PRKN: variants seen among roughly 807,000 people sequenced by gnomAD.
PRKN encodes the protein E3 ubiquitin-protein ligase parkin.
PRKN carries 56 observed loss-of-function variants against 59.5 expected under a neutral mutation model. The ratio of observed to expected loss-of-function variants is 0.94; its 90% CI spans 0.76 to 1.18. The LOEUF is 1.18. Among genes scored for constraint, PRKN ranks in the 50% most tolerant of loss-of-function variants. PRKN has a pLI of 0.00. For synonymous variants in PRKN, 250 were observed against 222.1 expected (o/e 1.13, Z -1.12); for missense variants, 657 against 596.4 (o/e 1.10, Z -1.06).
intron 4 of PRKN, among the ~76,000 whole-genome samples, chr6:162,144,538 G>A (rs371621565): frequency 2.0e-5 from 3 of 152,088 alleles, no homozygotes; most frequent in South Asian, 2.1e-4. Flanking sequence ...AGCCTTCCTG[G>A]GAGCTGGCTT....
rs1383625655 is a variant in PRKN, at chr6:161,371,293, T to A, written c.1168-11088A>T. Among the ~76,000 whole-genome samples the A allele has an allele frequency of 6.6e-6, 1 of 151,678 alleles. No individual in the cohort carries two copies. The highest frequency in any genetic ancestry group is 2.4e-5 in the African/African-American group (1 of 41,260). ...GATTCTGCTGCCTCGGCCTCTCAAG[T>A]AGCTGGGGTTACAGGTGCCTGCTAC... On this transcript the variant is annotated intron_variant, in intron 10 of 11. Coordinates refer to ENST00000366898, the MANE Select transcript of PRKN (RefSeq NM_004562.3). This position sits in a 1 kb window ranked among gnomAD's most constrained non-coding sequence, Gnocchi z 5.5.
Position 162,502,388 on chromosome 6 carries a change from T to A in PRKN, c.8-58915A>T, listed in dbSNP as rs551540534. Among the ~76,000 whole-genome samples, 109 of 152,118 alleles carry A rather than the reference T, an allele frequency of 7.2e-4. 1 individual carries two copies. The highest frequency in any genetic ancestry group is 2.1e-4 in the Non-Finnish European group (14 of 68,018). On this transcript the variant is annotated intron_variant, in intron 1 of 11. Coordinates refer to ENST00000366898, the MANE Select transcript of PRKN (RefSeq NM_004562.3). ...CTTGCCCAGGCTGGTCTGAAACTCC[T>A]GGGCTCAGGCCATTTCCCCAACGCC... is the stretch of plus-strand genomic sequence containing the variant.
chr6:162,251,709 A>T (rs1258212836), intron 3 of PRKN, among the ~76,000 whole-genome samples: 1 of 152,112 alleles, frequency 6.6e-6, no homozygotes, highest in Admixed American at 6.6e-5. Flanking sequence ...ATAAACGGGG[A>T]TATATATGGT....
chr6:161,553,469 C>A (rs1347227892), intron 8 of PRKN, among the ~76,000 whole-genome samples: 1 of 151,716 alleles, frequency 6.6e-6, no homozygotes, highest in Non-Finnish European at 1.5e-5. Context: ...TTCTTTCTGT[C>A]TCTCTGTAAT....
At chr6:162,514,234 G>C (rs1175398771) in intron 1 of PRKN, among the ~76,000 whole-genome samples, 1 of 151,356 alleles carries the variant, frequency 6.6e-6, no homozygotes, top group East Asian at 1.9e-4. Flanking sequence ...AAACCCTCTT[G>C]GTTGGTTAGT....
At chr6:161,698,249 G>A (rs1166537298) in intron 7 of PRKN, among the ~76,000 whole-genome samples, 3 of 152,136 alleles carry the variant, frequency 2.0e-5, no homozygotes, top group Non-Finnish European at 4.4e-5. Context: ...CATGTAGCCA[G>A]AAGGATATAG....
chr6:162,704,695 C>A (rs753265533), intron 1 of PRKN, among the ~76,000 whole-genome samples: 1 of 152,124 alleles, frequency 6.6e-6, no homozygotes, highest in Non-Finnish European at 1.5e-5. Flanking sequence ...ACCAAGTCTT[C>A]ATTGACTCGT....
chr6:161,349,749 T>A lies in PRKN; in HGVS notation c.*350A>T. 4.5e-6 allele frequency: 2 copies of A among 442,278 alleles called. No homozygotes were observed. The highest frequency in any genetic ancestry group is 8.4e-6 in the Non-Finnish European group (2 of 237,810). 27.4% of individuals were successfully genotyped at this position (442,278 alleles called of 1,614,324 possible). On this transcript the variant is annotated 3_prime_UTR_variant, in exon 12 of 12. Transcript: ENST00000366898. This position sits in a 1 kb window ranked among gnomAD's most constrained non-coding sequence, Gnocchi z 5.5. ...CTCGAATTCAGGTGAGAATGACCCA[T>A]ACAGATACATGGATTGCACTTGAAT...
intron 2 of PRKN, among the ~76,000 whole-genome samples, chr6:162,263,942 C>T (rs1194386615): frequency 2.7e-5 from 4 of 149,768 alleles, no homozygotes; most frequent in Non-Finnish European, 4.4e-5. Context: ...CATATGCTTG[C>T]TACCCTCTTA....
At chr6:162,266,238 T>C (rs780377606) in intron 2 of PRKN, among the ~76,000 whole-genome samples, 7 of 152,142 alleles carry the variant, frequency 4.6e-5, no homozygotes, top group Non-Finnish European at 8.8e-5. Context: ...TCTAAAAATC[T>C]TTGCTTACTG....
intron 7 of PRKN, among the ~76,000 whole-genome samples, chr6:161,718,741 C>T (rs973013840): frequency 2.6e-5 from 4 of 152,176 alleles, no homozygotes; most frequent in Admixed American, 6.5e-5. Flanking sequence ...TTGTAAATAT[C>T]ACTCTTTCTG....
At chr6:162,573,241 A>G (rs7450566) in intron 1 of PRKN, among the ~76,000 whole-genome samples, 80,675 of 151,912 alleles carry the variant, frequency 0.53, 21,719 homozygotes, top group East Asian at 0.71. Flanking sequence ...TACCTCAAAA[A>G]CTAAGACCTC....
chr6:162,616,925 A>C lies in PRKN; in HGVS notation c.7+110737T>G, dbSNP rs564533851. Among the ~76,000 whole-genome samples the C allele has an allele frequency of 7.2e-5, 11 of 152,312 alleles. No individual in the cohort carries two copies. The South Asian group carries it at 2.3e-3, about 32-fold the overall frequency. On this transcript the variant is annotated intron_variant, in intron 1 of 11. Coordinates refer to ENST00000366898, the MANE Select transcript of PRKN (RefSeq NM_004562.3). ...AAGTATTTATTCCACAGGAATAAAT[A>C]TTACATGTTTTCTGAAATTGATCAA...
chr6:162,714,678 C>T (rs900348281), intron 1 of PRKN, among the ~76,000 whole-genome samples: 1 of 152,124 alleles, frequency 6.6e-6, no homozygotes, highest in Non-Finnish European at 1.5e-5. Flanking sequence ...TACTCTGAAG[C>T]TTTGAGCATA....
chr6:162,647,949 CAAAAAAAA>C (rs398003250), intron 1 of PRKN, among the ~76,000 whole-genome samples: 4 of 75,648 alleles, frequency 5.3e-5, no homozygotes, highest in Non-Finnish European at 9.5e-5. Context: ...GTCCACAGTG[CAAAAAAAA>C]AAAAAAAAAA....
chr6:162,252,799 C>A (rs1479685527), intron 3 of PRKN, among the ~76,000 whole-genome samples: 3 of 152,236 alleles, frequency 2.0e-5, no homozygotes, highest in Non-Finnish European at 4.4e-5. Context: ...GTCATAGCAG[C>A]CCAAAGGGGC....
At position 162,193,743 on chromosome 6, in the gene PRKN, T is replaced by C. The variant is rs1207773217; in HGVS notation, c.534+7388A>G. Among the ~76,000 whole-genome samples, 5 of 152,196 alleles carry C rather than the reference T, an allele frequency of 3.3e-5. No homozygotes were observed. In the East Asian group the frequency reaches 9.6e-4, roughly 29 times the overall value. On this transcript the variant is annotated intron_variant, in intron 4 of 11. Transcript: ENST00000366898. ...CTGGCCAACTTACCTAATCGTTTAC[T>C]CAAAAGTTCTAAAATTTGATTATTT...
chr6:161,474,427 T>A, intron 9 of PRKN, among the ~76,000 whole-genome samples: 1 of 152,280 alleles, frequency 6.6e-6, no homozygotes, highest in African/African-American at 2.4e-5. Context: ...ATATTTAATA[T>A]CACTAATCCC....
intron 7 of PRKN, among the ~76,000 whole-genome samples, chr6:161,689,749 TGCCCAGGCTGGAGTACAGTG>T (rs1299432333): frequency 2.0e-5 from 3 of 152,174 alleles, no homozygotes; most frequent in African/African-American, 7.2e-5. Flanking sequence ...TTGCTGTTTT[TGCCCAGGCTGGAGTACAGTG>T]GCGCGATCTT....
Sources: allele counts gnomAD v4.1 joint callset (sites outside exome capture counted in the v4.1 genomes callset), GRCh38; gene constraint gnomAD v4.1.1; non-coding constraint Gnocchi (gnomAD v3.1); transcripts MANE v1.5; gene names NCBI Gene and HGNC (gene_info 2026-07-23, HGNC 2026-07-21).